The following SHROOM3 variants were observed in gnomAD, a reference collection of about 807,000 sequenced individuals.
SHROOM3 encodes shroom family member 3.
Under a neutral mutation model 138.6 loss-of-function variants are expected in SHROOM3, and 47 were observed. The ratio of observed to expected loss-of-function variants is 0.34; its 90% CI spans 0.27 to 0.43. SHROOM3 has a LOEUF of 0.43. SHROOM3 is among the 20% of genes least tolerant of loss of function. SHROOM3 has a pLI of 1.00. For missense variants in SHROOM3, 2,491 were observed against 2,596.5 expected (o/e 0.96, Z 0.88); for synonymous variants, 1,062 against 1,063.3 (o/e 1.00, Z 0.02).
chr4:76,559,507 T>A (rs1733556686), intron 2 of SHROOM3: 1 of 152,170 alleles, frequency 6.6e-6, no homozygotes, highest in Middle Eastern at 3.2e-3. Flanking sequence ...AAGACTGGGG[T>A]GTCTTCCTGG....
intron 2 of SHROOM3, among the ~76,000 whole-genome samples, chr4:76,572,834 G>A (rs1470038327): frequency 2.6e-5 from 4 of 152,056 alleles, no homozygotes; most frequent in Admixed American, 2.0e-4. Flanking sequence ...TAATCCCAGC[G>A]CTTTGGGAGG....
chr4:76,775,661 CAAGTG>C (rs1722528501), intron 10 of SHROOM3, among the ~76,000 whole-genome samples: 1 of 149,954 alleles, frequency 6.7e-6, no homozygotes, highest in Admixed American at 6.6e-5. Context: ...CATCAATTAA[CAAGTG>C]AATAAAGAAA....
chr4:76,503,176 C>T (rs897587276), intron 1 of SHROOM3, among the ~76,000 whole-genome samples: 4 of 147,250 alleles, frequency 2.7e-5, no homozygotes, highest in African/African-American at 5.4e-5. Context: ...TCCACACACA[C>T]ACACACACAC....
intron 2 of SHROOM3, among the ~76,000 whole-genome samples, chr4:76,662,192 A>G (rs938008409): frequency 1.3e-5 from 2 of 152,182 alleles, no homozygotes; most frequent in East Asian, 3.9e-4. Context: ...TGGAGGCTCT[A>G]GGGGATTCTA....
intron 10 of SHROOM3, among the ~76,000 whole-genome samples, chr4:76,772,996 A>G (rs1200751212): frequency 6.6e-6 from 1 of 152,206 alleles, no homozygotes; most frequent in African/African-American, 2.4e-5. Context: ...GACAAAGTCA[A>G]GAAAGAGATG....
intron 1 of SHROOM3, among the ~76,000 whole-genome samples, chr4:76,489,822 T>A (rs1731812329): frequency 6.6e-6 from 1 of 152,160 alleles, no homozygotes; most frequent in South Asian, 2.1e-4. Flanking sequence ...GGTATGATGG[T>A]CGTAACTGCA....
intron 3 of SHROOM3, among the ~76,000 whole-genome samples, chr4:76,728,822 C>T (rs1720784781): frequency 6.6e-6 from 1 of 152,116 alleles, no homozygotes; most frequent in Non-Finnish European, 1.5e-5. Context: ...AAGGCTGTGA[C>T]CATGGTAAGT....
chr4:76,662,843 G>C (rs959484724), intron 2 of SHROOM3, among the ~76,000 whole-genome samples: 1 of 152,052 alleles, frequency 6.6e-6, no homozygotes, highest in South Asian at 2.1e-4. Flanking sequence ...GATTGCGACA[G>C]TGTGCTCCAG....
At chr4:76,764,779 CT>C (rs1020709679) in intron 9 of SHROOM3, among the ~76,000 whole-genome samples, 1 of 152,150 alleles carries the variant, frequency 6.6e-6, no homozygotes, top group Non-Finnish European at 1.5e-5. Context: ...TCTCTTTCGT[CT>C]TTAGCATTTT....
rs78812584 is a variant in SHROOM3 at position 76,763,700 on chromosome 4, C to T, written c.5349+4005C>T. Among the ~76,000 whole-genome samples, 253 of 152,196 alleles carry T rather than the reference C, an allele frequency of 1.7e-3. 2 individuals are homozygous for T. Among genetic ancestry groups the T allele is most frequent in the African/African-American group, 5.6e-3 (234 of 41,540 alleles). ...GGGCTTTGTGTGAAATGCTGAAGTTCGGATTTTATCATATGACAATGGAGA... is the reference window on the plus strand; with the variant it reads ...GGGCTTTGTGTGAAATGCTGAAGTTTGGATTTTATCATATGACAATGGAGA... On this transcript the variant is annotated intron_variant, in intron 9 of 10. Transcript: ENST00000296043.
chr4:76,560,585 T>C (rs916325633), intron 2 of SHROOM3, among the ~76,000 whole-genome samples: 1 of 152,242 alleles, frequency 6.6e-6, no homozygotes, highest in African/African-American at 2.4e-5. Flanking sequence ...TACTTATTAA[T>C]CCTTCATTAA....
chr4:76,664,645 C>T lies in SHROOM3; in HGVS notation c.324-45511C>T, dbSNP rs1181045369. Among the ~76,000 whole-genome samples, 1 of 152,192 alleles carries T rather than the reference C, an allele frequency of 6.6e-6. No homozygotes were observed. Among genetic ancestry groups the T allele is most frequent in the Non-Finnish European group, 1.5e-5 (1 of 68,042 alleles). ...ATCGTTTTATTGTGGCAAACAGACA[C>T]ACACATACTCACATACATTAAATTT... On this transcript the variant is annotated intron_variant, in intron 2 of 10. Coordinates refer to ENST00000296043, the MANE Select transcript of SHROOM3 (RefSeq NM_020859.4). The surrounding 1 kb of genome is among the most constrained non-coding windows in gnomAD (Gnocchi z 4.2).
chr4:76,519,280 T>C (rs1732512926), intron 1 of SHROOM3, among the ~76,000 whole-genome samples: 1 of 151,806 alleles, frequency 6.6e-6, no homozygotes, highest in Non-Finnish European at 1.5e-5. Flanking sequence ...GGTCAGGGAG[T>C]AGTCATAGAA....
chr4:76,625,040 A>G (rs918378931), intron 2 of SHROOM3, among the ~76,000 whole-genome samples: 1 of 152,194 alleles, frequency 6.6e-6, no homozygotes, highest in African/African-American at 2.4e-5. Flanking sequence ...CTTGAATTGT[A>G]TAAGGAGAGC....
chr4:76,488,043 C>T (rs955982889), intron 1 of SHROOM3, among the ~76,000 whole-genome samples: 2 of 152,170 alleles, frequency 1.3e-5, no homozygotes, highest in Non-Finnish European at 2.9e-5. Flanking sequence ...TACCCTGAAA[C>T]TATGAAGAAG....
At chr4:76,441,694 T>C (rs1470017676) in intron 1 of SHROOM3, among the ~76,000 whole-genome samples, 1 of 152,162 alleles carries the variant, frequency 6.6e-6, no homozygotes, top group African/African-American at 2.4e-5. Context: ...TCCTCTTATC[T>C]CCCCAGTGGC....
At chr4:76,620,935 G>A (rs1340945419) in intron 2 of SHROOM3, among the ~76,000 whole-genome samples, 2 of 143,146 alleles carry the variant, frequency 1.4e-5, no homozygotes. Context: ...CCCTGGGTCA[G>A]CAGAACAGCA....
intron 3 of SHROOM3, among the ~76,000 whole-genome samples, chr4:76,721,825 G>A (rs1720561012): frequency 1.3e-5 from 2 of 152,206 alleles, no homozygotes; most frequent in African/African-American, 4.8e-5. Context: ...AACTACAGTG[G>A]TTAGCTTGTA....
At chr4:76,777,111 T>G (rs925995366) in intron 10 of SHROOM3, among the ~76,000 whole-genome samples, 4 of 152,188 alleles carry the variant, frequency 2.6e-5, no homozygotes, top group Non-Finnish European at 5.9e-5. Flanking sequence ...AATTTTAGGA[T>G]TGTTTTTTCT....
Sources: gnomAD v4.1 joint callset for allele counts (sites outside exome capture counted in the v4.1 genomes callset) on GRCh38, gnomAD v4.1.1 for gene constraint, Gnocchi (gnomAD v3.1) non-coding constraint, MANE v1.5 for transcripts, NCBI Gene and HGNC (gene_info 2026-07-23, HGNC 2026-07-21) for gene names.